SPOCK1: variants seen among roughly 807,000 people sequenced by gnomAD.
The protein encoded by SPOCK1 is SPARC (osteonectin), cwcv and kazal like domains proteoglycan 1.
A neutral mutation model predicts 55.3 loss-of-function variants in SPOCK1; 23 were observed. The observed-to-expected ratio is 0.42, with a 90% confidence interval of 0.30 to 0.59. SPOCK1 has a LOEUF of 0.59. SPOCK1 is among the 20% of genes least tolerant of loss of function. The pLI is 0.22. For synonymous variants in SPOCK1, 226 were observed against 221.0 expected (o/e 1.02, Z -0.20); for missense variants, 499 against 552.5 (o/e 0.90, Z 0.97).
chr5:137,290,926 G>A (rs1304686939), intron 2 of SPOCK1, among the ~76,000 whole-genome samples: 2 of 152,206 alleles, frequency 1.3e-5, no homozygotes, highest in Non-Finnish European at 2.9e-5. Context: ...CGCTTACTAA[G>A]TGCTGGTATC....
At chr5:137,096,763 C>T (rs911468395) in intron 5 of SPOCK1, among the ~76,000 whole-genome samples, 1 of 152,138 alleles carries the variant, frequency 6.6e-6, no homozygotes, top group African/African-American at 2.4e-5. Context: ...ATTATGTAAA[C>T]ATATTTAAAA....
intron 2 of SPOCK1, among the ~76,000 whole-genome samples, chr5:137,456,604 T>C (rs2149836202): frequency 6.6e-6 from 1 of 152,296 alleles, no homozygotes; most frequent in East Asian, 1.9e-4. Context: ...CTAAACGATA[T>C]TATGTTCTGT....
intron 2 of SPOCK1, among the ~76,000 whole-genome samples, chr5:137,461,831 T>C (rs1198672395): frequency 6.6e-6 from 1 of 152,150 alleles, no homozygotes; most frequent in Non-Finnish European, 1.5e-5. Flanking sequence ...CTCTCTATGA[T>C]CTAATAATAA....
At chr5:137,065,817 C>A (rs561164661) in intron 6 of SPOCK1, among the ~76,000 whole-genome samples, 2 of 152,148 alleles carry the variant, frequency 1.3e-5, no homozygotes, top group African/African-American at 4.8e-5. Context: ...AGGAACAACA[C>A]TTTGTCTGAG....
intron 3 of SPOCK1, among the ~76,000 whole-genome samples, chr5:137,153,991 AG>A: frequency 6.6e-6 from 1 of 152,090 alleles, no homozygotes; most frequent in Non-Finnish European, 1.5e-5. Flanking sequence ...GCACATTTTA[AG>A]AGTGATATAA....
intron 1 of SPOCK1, 68 bp from the exon 2 acceptor site, chr5:137,498,626 C>G (rs144200958): frequency 1.6e-6 from 2 of 1,212,764 alleles, no homozygotes; most frequent in Non-Finnish European, 2.1e-6. Flanking sequence ...GGCACCCAGG[C>G]GTCCCAGCGC....
intron 3 of SPOCK1, among the ~76,000 whole-genome samples, chr5:137,141,357 G>T (rs1054337938): frequency 6.6e-6 from 1 of 152,186 alleles, no homozygotes; most frequent in Non-Finnish European, 1.5e-5. Context: ...TGCTTTTTAT[G>T]ACTTCATTCA....
intron 2 of SPOCK1, among the ~76,000 whole-genome samples, chr5:137,333,329 C>T (rs929848362): frequency 6.6e-6 from 1 of 152,146 alleles, no homozygotes; most frequent in Non-Finnish European, 1.5e-5. Context: ...ACTTAGTGAA[C>T]ATGATGTCCT....
At position 136,979,363 on chromosome 5, in the gene SPOCK1, A is replaced by G; in HGVS notation, c.1098T>C (p.Ala366=). The change falls in exon 10 of 11, where the codon GCT becomes GCC. Residue 366 remains alanine (A), a synonymous_variant. Coordinates refer to ENST00000394945, the MANE Select transcript of SPOCK1 (RefSeq NM_004598.4). ...WCVDKYGNEL[A]GSRKQGAVSC... is the part of the protein sequence containing the mutation. The stretch of plus-strand genomic sequence containing the variant: ...TCACAGCACCCTGTTTCCTGGAGCC[A>G]GCCAACTCATTCCCATATTTGTCCA... 3 of 1,614,154 alleles carry G rather than the reference A, an allele frequency of 1.9e-6. No individual in the cohort carries two copies. The highest frequency in any genetic ancestry group is 2.5e-6 in the Non-Finnish European group (3 of 1,179,994).
At chr5:137,180,709 A>G (rs1754954343) in intron 3 of SPOCK1, among the ~76,000 whole-genome samples, 1 of 152,182 alleles carries the variant, frequency 6.6e-6, no homozygotes, top group South Asian at 2.1e-4. Context: ...ATTCTAGAAT[A>G]TTCAGGTCAG....
intron 2 of SPOCK1, among the ~76,000 whole-genome samples, chr5:137,388,362 T>G (rs1256932291): frequency 1.3e-5 from 2 of 149,228 alleles, no homozygotes; most frequent in African/African-American, 5.0e-5. Context: ...CAAGTTCTTG[T>G]GTTCTCTGAT....
intron 2 of SPOCK1, among the ~76,000 whole-genome samples, chr5:137,487,044 C>T (rs866773564): frequency 6.6e-6 from 1 of 152,210 alleles, no homozygotes; most frequent in African/African-American, 2.4e-5. Context: ...ATTCCCCTAA[C>T]AGTGGAACAA....
intron 4 of SPOCK1, among the ~76,000 whole-genome samples, chr5:137,132,875 T>C (rs1000022552): frequency 2.6e-5 from 4 of 152,058 alleles, no homozygotes; most frequent in Non-Finnish European, 4.4e-5. Flanking sequence ...GAGGCTCTGG[T>C]TCTTGAGGGC....
intron 6 of SPOCK1, among the ~76,000 whole-genome samples, chr5:137,059,439 A>G (rs990206614): frequency 6.6e-6 from 1 of 152,228 alleles, no homozygotes; most frequent in Non-Finnish European, 1.5e-5. Context: ...TAAATAAATA[A>G]CCAAACTGGG....
At chr5:137,338,893 G>A (rs1194294163) in intron 2 of SPOCK1, among the ~76,000 whole-genome samples, 1 of 152,086 alleles carries the variant, frequency 6.6e-6, no homozygotes, top group Non-Finnish European at 1.5e-5. Context: ...GAACTGTACT[G>A]TTATTTCAAA....
At chr5:137,480,049 C>T (rs1275563100) in intron 2 of SPOCK1, among the ~76,000 whole-genome samples, 2 of 152,122 alleles carry the variant, frequency 1.3e-5, no homozygotes, top group Non-Finnish European at 2.9e-5. Context: ...GAAGAGAAAA[C>T]CCCAAATCTG....
At chr5:137,370,499 T>C (rs1001424653) in intron 2 of SPOCK1, among the ~76,000 whole-genome samples, 3 of 152,202 alleles carry the variant, frequency 2.0e-5, no homozygotes, top group Non-Finnish European at 4.4e-5. Flanking sequence ...GGATACTAAA[T>C]AGAATTCTTC....
chr5:137,316,456 T>C (rs1460964006), intron 2 of SPOCK1, among the ~76,000 whole-genome samples: 2 of 152,238 alleles, frequency 1.3e-5, no homozygotes, highest in Non-Finnish European at 2.9e-5. Flanking sequence ...CTTGATATCA[T>C]GTGATTCAAG....
intron 2 of SPOCK1, among the ~76,000 whole-genome samples, chr5:137,292,846 A>G (rs576764253): frequency 1.3e-5 from 2 of 152,314 alleles, no homozygotes; most frequent in Non-Finnish European, 2.9e-5. Context: ...CAAACACGAA[A>G]CTGGCACCAT....
Sources: gnomAD v4.1 joint callset for allele counts (sites outside exome capture counted in the v4.1 genomes callset) on GRCh38, gnomAD v4.1.1 for gene constraint, MANE v1.5 for transcripts, NCBI Gene and HGNC (gene_info 2026-07-23, HGNC 2026-07-21) for gene names.